CADPS: variants seen among roughly 807,000 people sequenced by gnomAD.
CADPS encodes the protein calcium dependent secretion activator.
CADPS carries 57 observed loss-of-function variants against 167.3 expected under a neutral mutation model. The ratio of observed to expected loss-of-function variants is 0.34; its 90% CI spans 0.28 to 0.42. The LOEUF (loss-of-function observed/expected upper bound fraction) is 0.42. Among genes scored for constraint, CADPS ranks in the 20% least tolerant of loss-of-function variants. The probability of loss-of-function intolerance (pLI) is 1.00; values close to 1 mark genes in which losing one functional copy is unlikely to be tolerated. For missense variants in CADPS, 1,414 were observed against 1,738.1 expected (o/e 0.81, Z 3.32); for synonymous variants, 676 against 635.3 (o/e 1.06, Z -0.96).
intron 6 of CADPS, among the ~76,000 whole-genome samples, chr3:62,621,378 G>C (rs2063145886): frequency 6.6e-6 from 1 of 151,992 alleles, no homozygotes; most frequent in Non-Finnish European, 1.5e-5. Flanking sequence ...ATGTTTAGTG[G>C]GTTGGCAGAA....
intron 26 of CADPS, among the ~76,000 whole-genome samples, chr3:62,459,701 C>T (rs1534725): frequency 0.79 from 120,652 of 152,162 alleles, 47,970 homozygotes; most frequent in African/African-American, 0.85. Flanking sequence ...GTAAACTACC[C>T]GTTGAGAATA....
chr3:62,479,031 A>G (rs953461361), intron 22 of CADPS, among the ~76,000 whole-genome samples: 1 of 152,106 alleles, frequency 6.6e-6, no homozygotes, highest in Non-Finnish European at 1.5e-5. Flanking sequence ...TACTGTTCCA[A>G]TTTTCATAGA....
chr3:62,780,222 C>G (rs1386073836), intron 1 of CADPS, among the ~76,000 whole-genome samples: 2 of 152,054 alleles, frequency 1.3e-5, no homozygotes, highest in Non-Finnish European at 2.9e-5. Flanking sequence ...GAAAATACAG[C>G]CTGGGCAACA....
At chr3:62,474,451 T>C in intron 23 of CADPS, 131 bp from the exon 24 acceptor site, 1 of 783,406 alleles carries the variant, frequency 1.3e-6, no homozygotes, top group Non-Finnish European at 2.1e-6. Context: ...TGACTTCACA[T>C]GTGTTCCCTT....
intron 28 of CADPS, among the ~76,000 whole-genome samples, chr3:62,434,122 C>G (rs1324554027): frequency 6.6e-6 from 1 of 152,188 alleles, no homozygotes; most frequent in African/African-American, 2.4e-5. Context: ...AATTCAGCAT[C>G]TTTAATCTAC....
intron 1 of CADPS, among the ~76,000 whole-genome samples, chr3:62,817,765 G>C (rs1366070000): frequency 6.6e-6 from 1 of 152,188 alleles, no homozygotes; most frequent in African/African-American, 2.4e-5. Flanking sequence ...GGGTCAGGGA[G>C]GTTGTCTGCT....
intron 29 of CADPS, among the ~76,000 whole-genome samples, chr3:62,400,153 A>G (rs1471407142): frequency 6.6e-6 from 1 of 152,250 alleles, no homozygotes; most frequent in African/African-American, 2.4e-5. Context: ...CTAATGCCTC[A>G]TCAATATGTT....
In CADPS at chr3:62,474,153, A is replaced by ATATTTTTTTTTTT; in HGVS notation, c.3477+19_3477+20insAAAAAAAAAAATA. 1.4e-6 allele frequency: 1 copy of ATATTTTTTTTTTT among 735,996 alleles called. No homozygotes were observed. The highest frequency in any genetic ancestry group is 1.8e-6 in the Non-Finnish European group (1 of 549,888). The allele number at this position is 735,996 out of a possible 1,614,324, so 45.6% of individuals were successfully genotyped here. A position where few individuals can be genotyped will look rare whatever the true frequency, so the allele number is the denominator to read the frequency against. ...AATGAAGAGGGAAAAAAAAATCTGT[A>ATATTTTTTTTTTT]TTTTTTTTTTTTTTTTTACCTCTTG... On this transcript the variant is annotated intron_variant, in intron 24 of 29. Transcript: ENST00000383710.
At chr3:62,676,945 T>C (rs1406307447) in intron 3 of CADPS, among the ~76,000 whole-genome samples, 1 of 152,136 alleles carries the variant, frequency 6.6e-6, no homozygotes, top group Non-Finnish European at 1.5e-5. Context: ...ATGCTCCTGA[T>C]AGGAAGTCAG....
chr3:62,835,062 A>G (rs1018912257), intron 1 of CADPS, among the ~76,000 whole-genome samples: 3 of 152,206 alleles, frequency 2.0e-5, no homozygotes, highest in African/African-American at 7.2e-5. Context: ...AGACTTTAAT[A>G]TAATTTAAAT....
intron 6 of CADPS, among the ~76,000 whole-genome samples, chr3:62,605,779 T>C (rs934765962): frequency 6.6e-6 from 1 of 152,230 alleles, no homozygotes; most frequent in Non-Finnish European, 1.5e-5. Flanking sequence ...CAATAAATCC[T>C]AAAAGTGTGG....
chr3:62,579,760 G>A (rs1261046814), intron 8 of CADPS, among the ~76,000 whole-genome samples: 1 of 152,134 alleles, frequency 6.6e-6, no homozygotes, highest in East Asian at 1.9e-4. Flanking sequence ...GAATGAGATG[G>A]GGAATCATTG....
At chr3:62,422,425 G>A (rs912421459) in intron 28 of CADPS, among the ~76,000 whole-genome samples, 10 of 152,310 alleles carry the variant, frequency 6.6e-5, no homozygotes, top group Middle Eastern at 6.8e-3. Flanking sequence ...TATCGGGAAA[G>A]CTCTTTAAAG....
chr3:62,715,611 T>A lies in CADPS; in HGVS notation c.888+37830A>T, dbSNP rs138408128. Among the ~76,000 whole-genome samples, 289 of 151,474 alleles carry A rather than the reference T, an allele frequency of 1.9e-3. 1 individual carries two copies. The highest frequency in any genetic ancestry group is 6.7e-3 in the African/African-American group (276 of 41,448). ...GTCCTTAAATAATATTTAAGACATT[T>A]CCCTTAGTTATTTAAAATACCACAT... is the stretch of plus-strand genomic sequence containing the variant. On this transcript the variant is annotated intron_variant, in intron 3 of 29. Transcript: ENST00000383710.
chr3:62,588,226 A>G (rs952696108), intron 7 of CADPS, among the ~76,000 whole-genome samples: 2 of 151,812 alleles, frequency 1.3e-5, no homozygotes, highest in African/African-American at 4.8e-5. Context: ...TACCCCAGGA[A>G]AGAATCCCTG....
chr3:62,841,587 T>G (rs936826680), intron 1 of CADPS, among the ~76,000 whole-genome samples: 3 of 152,134 alleles, frequency 2.0e-5, no homozygotes, highest in African/African-American at 7.2e-5. Context: ...CGTGGTGGCA[T>G]GTGCCTGTAG....
chr3:62,458,092 T>A lies in CADPS; in HGVS notation c.3636+7275A>T, dbSNP rs536923704. On this transcript the variant is annotated intron_variant, in intron 26 of 29. Transcript: ENST00000383710. The surrounding 1 kb of genome is among the most constrained non-coding windows in gnomAD (Gnocchi z 4.6). The stretch of plus-strand genomic sequence containing the variant: ...ACTTGAAGTATAATTTAAAAAAAAA[T>A]TTTTAAAAAAGCACCAGGGTCATGT... Among the ~76,000 whole-genome samples the A allele has an allele frequency of 1.4e-4, 22 of 152,214 alleles. No individual in the cohort carries two copies. The highest frequency in any genetic ancestry group is 2.1e-4 in the Non-Finnish European group (14 of 67,988).
intron 9 of CADPS, among the ~76,000 whole-genome samples, chr3:62,560,294 T>C (rs2078921198): frequency 6.6e-6 from 1 of 152,250 alleles, no homozygotes; most frequent in Non-Finnish European, 1.5e-5. Context: ...TACATTTATT[T>C]TTTAAACTTC....
intron 1 of CADPS, among the ~76,000 whole-genome samples, chr3:62,803,988 G>A (rs985306092): frequency 6.6e-6 from 1 of 151,978 alleles, no homozygotes; most frequent in African/African-American, 2.4e-5. Flanking sequence ...TAATGTCACT[G>A]GAAACGTCAT....
Sources: allele counts gnomAD v4.1 joint callset (sites outside exome capture counted in the v4.1 genomes callset), GRCh38; gene constraint gnomAD v4.1.1; non-coding constraint Gnocchi (gnomAD v3.1); transcripts MANE v1.5; gene names NCBI Gene and HGNC (gene_info 2026-07-23, HGNC 2026-07-21).